Variants in NXN observed in about 807,000 individuals in gnomAD.
NXN encodes the protein nucleoredoxin.
Under a neutral mutation model 48.6 loss-of-function variants are expected in NXN, and 16 were observed. The observed-to-expected ratio is 0.33, with a 90% CI of 0.22 to 0.50. The LOEUF is 0.50. Ranked by LOEUF, NXN falls within the 20% of genes least tolerant of loss-of-function variation. The probability of loss-of-function intolerance (pLI) is 0.98; values close to 1 mark genes in which losing one functional copy is unlikely to be tolerated. For missense variants in NXN, 492 were observed against 605.5 expected, an observed-to-expected ratio of 0.81 and a Z score of 1.97; for synonymous variants, 281 against 269.6, an observed-to-expected ratio of 1.04 and a Z score of -0.41.
chr17:927,715 C>T (rs1254102096), intron 1 of NXN, among the ~76,000 whole-genome samples: 2 of 151,844 alleles, frequency 1.3e-5, no homozygotes, highest in Non-Finnish European at 2.9e-5. Context: ...AGGAGGCATA[C>T]TCCGTGGGAG....
Position 819,485 on chromosome 17 carries a change from C to T in NXN, c.774G>A (p.Thr258=), listed in dbSNP as rs373902670. 1.3e-4 allele frequency: 204 copies of T among 1,613,618 alleles called. 1 individual carries two copies. Among genetic ancestry groups the T allele is most frequent in the Admixed American group, 5.5e-4 (33 of 59,908 alleles). ...TGAGGCGCGACCGCCGGGCCTCATC[C>T]GTGTAGGGGACGGCGAGCCAGGGCA... is the stretch of plus-strand genomic sequence containing the variant. ...SEMPWLAVPY[T]DEARRSRLNR... Residue 258 remains threonine, a synonymous_variant, in exon 5 of 8, where the codon ACG becomes ACA. Coordinates refer to ENST00000336868, the MANE Select transcript of NXN (RefSeq NM_022463.5).
At chr17:817,451 C>T (rs555192545) in intron 5 of NXN, among the ~76,000 whole-genome samples, 5 of 152,090 alleles carry the variant, frequency 3.3e-5, no homozygotes, top group East Asian at 1.9e-4. Context: ...GGGCGGATCA[C>T]AAGGTCAAGA....
At position 978,606 on chromosome 17, in the gene NXN, G is replaced by A. The variant is rs1051721791; in HGVS notation, c.360+713C>T. The A allele has an allele frequency of 2.4e-4, 37 of 152,358 alleles. No homozygotes were observed. The highest frequency in any genetic ancestry group is 8.7e-4 in the African/African-American group (36 of 41,468). The allele number at this position is 152,358 out of a possible 1,614,324, so 9.4% of individuals were successfully genotyped here. On this transcript the variant is annotated intron_variant, in intron 1 of 7. Coordinates refer to ENST00000336868, the MANE Select transcript of NXN (RefSeq NM_022463.5). The surrounding 1 kb of genome is among the most constrained non-coding windows in gnomAD (Gnocchi z 4.1). ...AGGCTGGACGGCCAGACAATGCAAA[G>A]CTCCCCGGTGGCCGCGAACTCAGCC...
chr17:826,029 A>T lies in NXN; in HGVS notation c.410T>A (p.Phe137Tyr). 1.2e-6 allele frequency: 2 copies of T among 1,614,046 alleles called. No individual in the cohort carries two copies. Among genetic ancestry groups the T allele is most frequent in the Non-Finnish European group, 1.7e-6 (2 of 1,179,968 alleles). Residue 137 changes from phenylalanine (F) to tyrosine (Y), a missense_variant, in exon 2 of 8, where the codon TTC (phenylalanine) becomes TAC (tyrosine). Physicochemically the swap from Phe to Tyr is conservative, Grantham distance 22 (BLOSUM62 3). Around this residue, in one of 3 missense-constraint regions of NXN, gnomAD observed 186 missense variants for 199.1 expected, o/e 0.93. Transcript: ENST00000336868. ...YRISNIPSLI[F>Y]LDATTGKVVC... is the part of the protein sequence containing the mutation. The stretch of plus-strand genomic sequence containing the variant: ...AACCTTCCCAGTGGTGGCGTCGAGG[A>T]ATATTAGTGATGGAATGTTGGAAAT...
intron 1 of NXN, among the ~76,000 whole-genome samples, chr17:855,345 C>T (rs530486058): frequency 1.2e-4 from 18 of 152,250 alleles, no homozygotes; most frequent in African/African-American, 3.1e-4. Flanking sequence ...TTGAATCCCC[C>T]GGGTCTGATA....
intron 1 of NXN, chr17:959,031 A>C: frequency 3.9e-6 from 1 of 258,048 alleles, no homozygotes. Flanking sequence ...GAGCCGAGGG[A>C]CCATGGTGGC....
At chr17:946,034 G>A (rs1348569818) in intron 1 of NXN, among the ~76,000 whole-genome samples, 3 of 152,222 alleles carry the variant, frequency 2.0e-5, no homozygotes, top group Non-Finnish European at 4.4e-5. Context: ...GGTAGAGAGG[G>A]AGAAGGAGAG....
At chr17:888,180 C>T (rs1055384134) in intron 1 of NXN, among the ~76,000 whole-genome samples, 3 of 152,202 alleles carry the variant, frequency 2.0e-5, no homozygotes, top group Non-Finnish European at 4.4e-5. Flanking sequence ...AAATCTGTAT[C>T]TTACAGCAGG....
Position 956,685 on chromosome 17 carries a change from G to A in NXN, c.360+22634C>T, listed in dbSNP as rs1479510608. Reference sequence around the variant, plus strand: ...CCACCTCAGCCTCCCAAAGTGCTGGGATTACAGGCGTGAGCCACCGCGCCT... The same window carrying A: ...CCACCTCAGCCTCCCAAAGTGCTGGAATTACAGGCGTGAGCCACCGCGCCT... On this transcript the variant is annotated intron_variant, in intron 1 of 7. Coordinates refer to ENST00000336868, the MANE Select transcript of NXN (RefSeq NM_022463.5). The surrounding 1 kb of genome is among the most constrained non-coding windows in gnomAD (Gnocchi z 4.1). 6.6e-6 allele frequency among the ~76,000 whole-genome samples: 1 copy of A among 152,182 alleles called. No homozygotes were observed. The highest frequency in any genetic ancestry group is 2.4e-5 in the African/African-American group (1 of 41,446).
chr17:816,849 G>A (rs560439131), intron 5 of NXN, among the ~76,000 whole-genome samples: 1 of 152,110 alleles, frequency 6.6e-6, no homozygotes, highest in African/African-American at 2.4e-5. Context: ...CAGCTATTCA[G>A]GACCACTGGC....
intron 1 of NXN, among the ~76,000 whole-genome samples, chr17:906,852 G>A (rs2068586433): frequency 6.6e-6 from 1 of 151,956 alleles, no homozygotes; most frequent in African/African-American, 2.4e-5. Context: ...GATTACAGGC[G>A]TGAGCCACCG....
chr17:889,277 G>T (rs142260440), intron 1 of NXN, among the ~76,000 whole-genome samples: 1 of 152,298 alleles, frequency 6.6e-6, no homozygotes, highest in Admixed American at 6.5e-5. Context: ...GCACCTGCAC[G>T]TGCCCTGTGC....
At chr17:808,826 C>A (rs536481578) in intron 5 of NXN, among the ~76,000 whole-genome samples, 3 of 151,546 alleles carry the variant, frequency 2.0e-5, no homozygotes, top group Non-Finnish European at 2.9e-5. Context: ...AGGCACCCGC[C>A]ACCACACCTG....
chr17:800,749 C>A lies in NXN; in HGVS notation c.*200G>T. On this transcript the variant is annotated 3_prime_UTR_variant, in exon 8 of 8. Coordinates refer to ENST00000336868, the MANE Select transcript of NXN (RefSeq NM_022463.5). Reference sequence around the variant, plus strand: ...CGTGCTCCCAAACAGAGTCTCCAAACACGGTGGACTCTGCCGCTGCTGATT... The same window carrying A: ...CGTGCTCCCAAACAGAGTCTCCAAAAACGGTGGACTCTGCCGCTGCTGATT... 2.5e-6 allele frequency: 1 copy of A among 400,646 alleles called. No individual in the cohort carries two copies. Among genetic ancestry groups the A allele is most frequent in the Non-Finnish European group, 4.4e-6 (1 of 227,480 alleles). 24.8% of individuals were successfully genotyped at this position (400,646 alleles called of 1,614,324 possible). A position where few individuals can be genotyped will look rare whatever the true frequency, so the allele number is the denominator to read the frequency against.
chr17:822,881 C>T (rs1343071630), intron 3 of NXN, among the ~76,000 whole-genome samples: 1 of 152,154 alleles, frequency 6.6e-6, no homozygotes, highest in Non-Finnish European at 1.5e-5. Context: ...GGGTGCATCA[C>T]CTGAGTTCAG....
chr17:975,651 C>T (rs1278113348), intron 1 of NXN, among the ~76,000 whole-genome samples: 1 of 152,178 alleles, frequency 6.6e-6, no homozygotes, highest in Non-Finnish European at 1.5e-5. Context: ...CAGAGGAAGC[C>T]AGTGGTCTGC....
chr17:883,822 C>A (rs924901909), intron 1 of NXN, among the ~76,000 whole-genome samples: 4 of 152,228 alleles, frequency 2.6e-5, no homozygotes, highest in Admixed American at 6.5e-5. Context: ...CCTGTAATCC[C>A]AATCAGCGTG....
intron 1 of NXN, among the ~76,000 whole-genome samples, chr17:913,967 T>C (rs923762575): frequency 6.6e-6 from 1 of 152,212 alleles, no homozygotes; most frequent in African/African-American, 2.4e-5. Context: ...TGGCACAATC[T>C]TGGCCTACTG....
At chr17:802,940 G>T (rs1476639287) in intron 7 of NXN, among the ~76,000 whole-genome samples, 1 of 152,024 alleles carries the variant, frequency 6.6e-6, no homozygotes, top group Non-Finnish European at 1.5e-5. Flanking sequence ...GTCAGTCAGT[G>T]GGGTGGGGTG....
Sources: allele counts gnomAD v4.1 joint callset (sites outside exome capture counted in the v4.1 genomes callset), GRCh38; gene constraint gnomAD v4.1.1; regional missense constraint gnomAD v4.1.1; non-coding constraint Gnocchi (gnomAD v3.1); transcripts MANE v1.5; gene names NCBI Gene and HGNC (gene_info 2026-07-23, HGNC 2026-07-21).